The following SCLT1 variants were observed in gnomAD, a reference collection of about 807,000 sequenced individuals.
SCLT1 encodes the protein sodium channel-associated protein 1.
Under a neutral mutation model 112.8 loss-of-function variants are expected in SCLT1, and 78 were observed. The ratio of observed to expected loss-of-function variants is 0.69; its 90% CI spans 0.58 to 0.83. The LOEUF (loss-of-function observed/expected upper bound fraction) is 0.83. Ranked by LOEUF, SCLT1 falls within the 40% of genes least tolerant of loss-of-function variation. The pLI is 0.00. For synonymous variants in SCLT1, 257 were observed against 254.7 expected (o/e 1.01, Z -0.09); for missense variants, 747 against 770.4 (o/e 0.97, Z 0.36).
At chr4:129,010,195 A>G (rs904112540) in intron 5 of SCLT1, among the ~76,000 whole-genome samples, 1 of 151,950 alleles carries the variant, frequency 6.6e-6, no homozygotes, top group Non-Finnish European at 1.5e-5. Flanking sequence ...CCATTGCTTG[A>G]GTTAGGTTTG....
At chr4:129,073,468 G>C (rs779451057) in intron 2 of SCLT1, among the ~76,000 whole-genome samples, 1 of 152,104 alleles carries the variant, frequency 6.6e-6, no homozygotes, top group African/African-American at 2.4e-5. Flanking sequence ...ATGACTGAAG[G>C]TGGGGGATGA....
chr4:128,945,008 G>C (rs1036044675), intron 16 of SCLT1: 4 of 152,124 alleles, frequency 2.6e-5, no homozygotes. Context: ...ACATGGGAAG[G>C]TCTTTTACCC....
intron 14 of SCLT1, among the ~76,000 whole-genome samples, chr4:128,950,197 G>C (rs922017804): frequency 6.6e-6 from 1 of 151,978 alleles, no homozygotes; most frequent in South Asian, 2.1e-4. Flanking sequence ...ACCTACATTC[G>C]TAACTCCTCC....
At chr4:129,037,105 T>C (rs1747245968) in intron 5 of SCLT1, 1 of 149,402 alleles carries the variant, frequency 6.7e-6, no homozygotes, top group Admixed American at 6.7e-5. Context: ...TTACAGGAGA[T>C]ACAAAGAACA....
chr4:129,008,847 T>C (rs1744263649), intron 5 of SCLT1, among the ~76,000 whole-genome samples: 1 of 152,106 alleles, frequency 6.6e-6, no homozygotes, highest in South Asian at 2.1e-4. Flanking sequence ...CCAGTGTGTG[T>C]AGTTTCTCTC....
rs139579500 is a variant in SCLT1, at chr4:128,959,018, G to A, written c.1047+582C>T. Reference sequence around the variant, plus strand: ...TAATGAACTCTACATAAGGGAGGCCGCAAAATAAACATTAAAACATTTGTT... The same window carrying A: ...TAATGAACTCTACATAAGGGAGGCCACAAAATAAACATTAAAACATTTGTT... On this transcript the variant is annotated intron_variant, in intron 12 of 20. Transcript: ENST00000281142. 1.7e-3 allele frequency among the ~76,000 whole-genome samples: 253 copies of A among 152,198 alleles called. 2 individuals carry two copies. Among genetic ancestry groups the A allele is most frequent in the East Asian group, 0.014 (71 of 5,186 alleles).
chr4:129,082,465 C>T, intron 1 of SCLT1, 92 bp from the exon 2 acceptor site: 2 of 637,512 alleles, frequency 3.1e-6, no homozygotes, highest in Non-Finnish European at 5.2e-6. Context: ...GTATCCCATG[C>T]AAAACGGCTA....
intron 15 of SCLT1, among the ~76,000 whole-genome samples, chr4:128,946,562 A>G (rs1316150419): frequency 6.6e-6 from 1 of 152,154 alleles, no homozygotes; most frequent in Non-Finnish European, 1.5e-5. Flanking sequence ...ATCGGGCAAG[A>G]CCTTGTCTCT....
Position 129,054,755 on chromosome 4 carries a change from T to C in SCLT1, c.103-10704A>G, listed in dbSNP as rs139847280. 5.0e-4 allele frequency among the ~76,000 whole-genome samples: 76 copies of C among 152,242 alleles called. 1 individual carries two copies. Among genetic ancestry groups the C allele is most frequent in the African/African-American group, 1.7e-3 (72 of 41,556 alleles). ...CCCTCTGAAGCCTACTTCTGTCAAT[T>C]TGTCAGATTCATACTCTGTCCAGTT... is the stretch of plus-strand genomic sequence containing the variant. On this transcript the variant is annotated intron_variant, in intron 2 of 20. Coordinates refer to ENST00000281142, the MANE Select transcript of SCLT1 (RefSeq NM_144643.4).
chr4:129,073,802 C>T (rs1011885831), intron 2 of SCLT1, among the ~76,000 whole-genome samples: 2 of 152,162 alleles, frequency 1.3e-5, no homozygotes, highest in Non-Finnish European at 2.9e-5. Context: ...ATTCATAGCT[C>T]TCTATAACTT....
chr4:129,092,097 G>A (rs1752881528), intron 1 of SCLT1, among the ~76,000 whole-genome samples: 1 of 152,042 alleles, frequency 6.6e-6, no homozygotes, highest in African/African-American at 2.4e-5. Context: ...CATATTCCCC[G>A]TAAAAATCAG....
intron 5 of SCLT1, among the ~76,000 whole-genome samples, chr4:129,008,544 G>A (rs1744231619): frequency 6.6e-6 from 1 of 152,052 alleles, no homozygotes; most frequent in Non-Finnish European, 1.5e-5. Flanking sequence ...TTCAGCTATT[G>A]TCTCTTCAAA....
chr4:128,996,455 C>A (rs1320784273), intron 8 of SCLT1, among the ~76,000 whole-genome samples: 2 of 151,932 alleles, frequency 1.3e-5, no homozygotes, highest in African/African-American at 4.8e-5. Flanking sequence ...TTGTTGGAAA[C>A]TTCTTGATTT....
chr4:129,012,755 T>C (rs567968611), intron 5 of SCLT1, among the ~76,000 whole-genome samples: 3 of 151,554 alleles, frequency 2.0e-5, no homozygotes, highest in Admixed American at 6.6e-5. Flanking sequence ...TTGAATTGAA[T>C]TGAACCTTTT....
chr4:129,091,688 T>C (rs1410933166), intron 1 of SCLT1, among the ~76,000 whole-genome samples: 2 of 152,202 alleles, frequency 1.3e-5, no homozygotes, highest in Admixed American at 1.3e-4. Flanking sequence ...ATGCACTTAA[T>C]ATGTGCCAGA....
intron 2 of SCLT1, among the ~76,000 whole-genome samples, chr4:129,046,517 C>G (rs1463964083): frequency 6.6e-6 from 1 of 152,048 alleles, no homozygotes; most frequent in Non-Finnish European, 1.5e-5. Flanking sequence ...TTGGTTAGTT[C>G]ATTCTTACTG....
At chr4:128,966,974 T>C (rs528585823) in intron 10 of SCLT1, among the ~76,000 whole-genome samples, 2 of 152,200 alleles carry the variant, frequency 1.3e-5, no homozygotes, top group East Asian at 3.9e-4. Flanking sequence ...ATGAGCATAG[T>C]ACCTGATAGG....
chr4:128,984,124 A>G (rs574839553), intron 9 of SCLT1, among the ~76,000 whole-genome samples: 7 of 152,362 alleles, frequency 4.6e-5, no homozygotes, highest in African/African-American at 1.7e-4. Flanking sequence ...TAAACACTTA[A>G]GACGTTTTAG....
At chr4:128,896,831 G>T (rs569763539) in intron 18 of SCLT1, among the ~76,000 whole-genome samples, 25 of 152,274 alleles carry the variant, frequency 1.6e-4, no homozygotes, top group Admixed American at 9.2e-4. Context: ...GTCCTTAAAG[G>T]ACCTGATGGA....
Sources: gnomAD v4.1 joint callset for allele counts (sites outside exome capture counted in the v4.1 genomes callset) on GRCh38, gnomAD v4.1.1 for gene constraint, MANE v1.5 for transcripts, NCBI Gene and HGNC (gene_info 2026-07-23, HGNC 2026-07-21) for gene names.